CTNND2: variants seen among roughly 807,000 people sequenced by gnomAD.
The protein encoded by CTNND2 is catenin delta-2.
In CTNND2, 22 loss-of-function variants were observed where a neutral mutation model predicts 144.4. That is an observed-to-expected ratio of 0.15 (90% CI 0.11 to 0.22). CTNND2 has a LOEUF of 0.22. CTNND2 is among the 10% of genes least tolerant of loss of function. CTNND2 has a pLI of 1.00. For synonymous variants in CTNND2, 751 were observed against 695.6 expected, an observed-to-expected ratio of 1.08 and a Z score of -1.25; for missense variants, 1,353 against 1,618.8, an observed-to-expected ratio of 0.84 and a Z score of 2.82.
intron 2 of CTNND2, among the ~76,000 whole-genome samples, chr5:11,566,315 T>A (rs541425835): frequency 1.3e-4 from 20 of 152,354 alleles, no homozygotes; most frequent in African/African-American, 4.8e-4. Flanking sequence ...TCTTACATAT[T>A]CTGAAGGGCA....
At chr5:11,080,583 T>C (rs373660625) in intron 16 of CTNND2, among the ~76,000 whole-genome samples, 2 of 152,122 alleles carry the variant, frequency 1.3e-5, no homozygotes, top group African/African-American at 2.4e-5. Context: ...TAAGTGTCCA[T>C]CAATGGATAA....
At chr5:11,901,569 T>C (rs569163449) in intron 1 of CTNND2, among the ~76,000 whole-genome samples, 2 of 152,310 alleles carry the variant, frequency 1.3e-5, no homozygotes, top group East Asian at 1.9e-4. Context: ...TTACGAACAA[T>C]GAAAACATTA....
intron 2 of CTNND2, among the ~76,000 whole-genome samples, chr5:11,636,149 A>T (rs185175402): frequency 2.3e-3 from 355 of 152,014 alleles, no homozygotes; most frequent in Non-Finnish European, 4.4e-3. Flanking sequence ...CCTAGGAGAC[A>T]TGAGCTGTTT....
intron 3 of CTNND2, among the ~76,000 whole-genome samples, chr5:11,561,474 C>T (rs1776678616): frequency 6.6e-6 from 1 of 152,156 alleles, no homozygotes; most frequent in Admixed American, 6.5e-5. Context: ...ACTAAACAGT[C>T]TGAATTCTGG....
intron 2 of CTNND2, among the ~76,000 whole-genome samples, chr5:11,591,475 T>C (rs1001453819): frequency 1.3e-5 from 2 of 152,188 alleles, no homozygotes; most frequent in South Asian, 2.1e-4. Context: ...TATTTCTTCA[T>C]ACCAGTCCCG....
At chr5:11,330,240 G>A (rs971123363) in intron 9 of CTNND2, among the ~76,000 whole-genome samples, 2 of 151,060 alleles carry the variant, frequency 1.3e-5, no homozygotes, top group African/African-American at 4.9e-5. Flanking sequence ...GGGAGGCTGA[G>A]GCGGGCGGAT....
chr5:11,238,697 C>G (rs1741899137), intron 9 of CTNND2, among the ~76,000 whole-genome samples: 1 of 152,112 alleles, frequency 6.6e-6, no homozygotes, highest in African/African-American at 2.4e-5. Context: ...TATACACACA[C>G]AGATATATAT....
At chr5:10,989,207 C>T (rs187184989) in intron 19 of CTNND2, among the ~76,000 whole-genome samples, 8 of 152,344 alleles carry the variant, frequency 5.3e-5, no homozygotes, top group Admixed American at 2.0e-4. Flanking sequence ...AGGAGCCATG[C>T]GTCTGGGTGA....
At chr5:11,132,779 A>G (rs1755751589) in intron 12 of CTNND2, among the ~76,000 whole-genome samples, 1 of 152,200 alleles carries the variant, frequency 6.6e-6, no homozygotes, top group Non-Finnish European at 1.5e-5. Flanking sequence ...CATTCCTTGG[A>G]TCAAAATAGC....
At chr5:11,623,433 T>C (rs1295085820) in intron 2 of CTNND2, among the ~76,000 whole-genome samples, 1 of 151,982 alleles carries the variant, frequency 6.6e-6, no homozygotes, top group East Asian at 1.9e-4. Context: ...TCTCTCTTGT[T>C]TGCCGCCGTG....
chr5:11,658,287 A>G (rs1783016940), intron 2 of CTNND2, among the ~76,000 whole-genome samples: 1 of 152,100 alleles, frequency 6.6e-6, no homozygotes, highest in African/African-American at 2.4e-5. Context: ...CCTTCATTAC[A>G]TAAACCTCGT....
intron 1 of CTNND2, among the ~76,000 whole-genome samples, chr5:11,814,986 A>G (rs1025453336): frequency 6.6e-6 from 1 of 152,200 alleles, no homozygotes; most frequent in Non-Finnish European, 1.5e-5. Context: ...TATTTTTAAG[A>G]TCTTTTCTTA....
At chr5:11,004,735 T>C (rs1580006668) in intron 18 of CTNND2, among the ~76,000 whole-genome samples, 1 of 129,252 alleles carries the variant, frequency 7.7e-6, no homozygotes, top group Non-Finnish European at 1.6e-5. Flanking sequence ...GCCATTACAC[T>C]CCAGCCTGGG....
chr5:11,401,235 A>G (rs1017866491), intron 5 of CTNND2, among the ~76,000 whole-genome samples: 1 of 152,236 alleles, frequency 6.6e-6, no homozygotes, highest in Non-Finnish European at 1.5e-5. Flanking sequence ...TTCTGATCAG[A>G]TTAACTGAGT....
rs560318805 is a variant in CTNND2, at chr5:11,399,527, T to C, written c.440-2324A>G. Among the ~76,000 whole-genome samples, 23 of 152,334 alleles carry C rather than the reference T, an allele frequency of 1.5e-4. 1 individual carries two copies. In the East Asian group the frequency reaches 3.9e-3, roughly 26 times the overall value. ...ACTCATACAATTATCTCCAGAAACT[T>C]ACAAATGCTGTCTGTACAGTATCTT... On this transcript the variant is annotated intron_variant, in intron 5 of 21. Coordinates refer to ENST00000304623, the MANE Select transcript of CTNND2 (RefSeq NM_001332.4).
intron 9 of CTNND2, among the ~76,000 whole-genome samples, chr5:11,342,365 T>C (rs258648): frequency 2.0e-5 from 3 of 152,296 alleles, no homozygotes; most frequent in East Asian, 1.9e-4. Context: ...AACAAATCCA[T>C]GGAGTGAGTT....
chr5:11,092,416 A>G (rs966083918), intron 15 of CTNND2, among the ~76,000 whole-genome samples: 1 of 152,164 alleles, frequency 6.6e-6, no homozygotes, highest in African/African-American at 2.4e-5. Context: ...GGTTTTCTCC[A>G]TTTATCGATT....
At chr5:11,199,415 GATATA>G (rs759638099) in intron 11 of CTNND2, 28 bp downstream of exon 11, 30 of 1,570,176 alleles carry the variant, frequency 1.9e-5, no homozygotes, top group Admixed American at 6.7e-5. Context: ...TTTATCTTGA[GATATA>G]ATATAATAAT....
intron 7 of CTNND2, among the ~76,000 whole-genome samples, chr5:11,366,316 A>G (rs930987445): frequency 2.0e-4 from 31 of 152,238 alleles, no homozygotes; most frequent in Non-Finnish European, 2.9e-4. Flanking sequence ...TTAAGTACAC[A>G]GAGAACAGTA....
Sources: gnomAD v4.1 joint callset for allele counts (sites outside exome capture counted in the v4.1 genomes callset) on GRCh38, gnomAD v4.1.1 for gene constraint, MANE v1.5 for transcripts, NCBI Gene and HGNC (gene_info 2026-07-23, HGNC 2026-07-21) for gene names.